ALKAL1: variants seen among roughly 807,000 people sequenced by gnomAD.
The protein encoded by ALKAL1 is ALK and LTK ligand 1, also known as AUG-beta.
In ALKAL1, 23 loss-of-function variants were observed where a neutral mutation model predicts 13.5. That is an observed-to-expected ratio of 1.70 (90% CI 1.23 to 2.41). The LOEUF (loss-of-function observed/expected upper bound fraction) is 2.41. ALKAL1 is among the 30% of genes most tolerant of loss of function. The probability of loss-of-function intolerance (pLI) is 0.00; values close to 1 mark genes in which losing one functional copy is unlikely to be tolerated. For synonymous variants in ALKAL1, 85 were observed against 77.7 expected (o/e 1.09, Z -0.49); for missense variants, 181 against 178.4 (o/e 1.01, Z -0.08).
chr8:52,535,711 T>C (rs933968959), intron 4 of ALKAL1, among the ~76,000 whole-genome samples: 1 of 152,188 alleles, frequency 6.6e-6, no homozygotes, highest in Non-Finnish European at 1.5e-5. Flanking sequence ...CAACTGTAGA[T>C]ATGCAGAACT....
chr8:52,539,686 G>A, intron 3 of ALKAL1, 145 bp downstream of exon 3: 3 of 615,554 alleles, frequency 4.9e-6, no homozygotes, highest in African/African-American at 1.9e-5. Flanking sequence ...CAAACCTTAG[G>A]TTCTGTCAGT....
At chr8:52,560,535 G>T (rs906903453) in intron 1 of ALKAL1, among the ~76,000 whole-genome samples, 1 of 152,160 alleles carries the variant, frequency 6.6e-6, no homozygotes, top group African/African-American at 2.4e-5. Flanking sequence ...CCATTAAAAA[G>T]GAATTGTTTT....
intron 1 of ALKAL1, among the ~76,000 whole-genome samples, chr8:52,558,402 C>T (rs1590870528): frequency 7.8e-6 from 1 of 128,488 alleles, no homozygotes; most frequent in African/African-American, 2.9e-5. Context: ...TCTTCAACAA[C>T]AGCATTTAAA....
At chr8:52,547,235 C>A (rs776108010) in intron 1 of ALKAL1, among the ~76,000 whole-genome samples, 8 of 152,188 alleles carry the variant, frequency 5.3e-5, no homozygotes, top group African/African-American at 1.4e-4. Context: ...TGGTGGCTCA[C>A]GCCCATAATT....
At chr8:52,564,072 TGAG>T (rs1445435781) in intron 1 of ALKAL1, among the ~76,000 whole-genome samples, 2 of 152,230 alleles carry the variant, frequency 1.3e-5, no homozygotes, top group African/African-American at 2.4e-5. Context: ...CCATAAAGCC[TGAG>T]GAGAAGGGAT....
At chr8:52,546,232 G>A (rs946328709) in intron 1 of ALKAL1, among the ~76,000 whole-genome samples, 1 of 152,142 alleles carries the variant, frequency 6.6e-6, no homozygotes, top group African/African-American at 2.4e-5. Context: ...GGCAGATCCA[G>A]CTTGCTCCTG....
Position 52,553,274 on chromosome 8 carries a change from G to C in ALKAL1, c.191-10829C>G, listed in dbSNP as rs966231495. Among the ~76,000 whole-genome samples the C allele has an allele frequency of 2.6e-5, 4 of 152,128 alleles. No individual in the cohort carries two copies. The East Asian group carries it at 7.7e-4, about 29-fold the overall frequency. On this transcript the variant is annotated intron_variant, in intron 1 of 4. Transcript: ENST00000358543. The stretch of plus-strand genomic sequence containing the variant: ...GAGGCAGAAGGATCCCTTGAGCCCA[G>C]GAGTTAGAAGATGCAGTGAGCTCTG...
intron 1 of ALKAL1, among the ~76,000 whole-genome samples, chr8:52,558,633 A>G (rs1847508706): frequency 6.6e-6 from 1 of 152,010 alleles, no homozygotes; most frequent in Non-Finnish European, 1.5e-5. Context: ...CCCAGCGGCT[A>G]AAGTCGGGCT....
At chr8:52,535,550 C>CAAAAAAA (rs10719477) in intron 4 of ALKAL1, among the ~76,000 whole-genome samples, 3 of 68,620 alleles carry the variant, frequency 4.4e-5, no homozygotes, top group South Asian at 6.8e-4. Context: ...GACCCTGTCT[C>CAAAAAAA]AAAAAAAAAA....
chr8:52,556,402 C>A (rs1266761771), intron 1 of ALKAL1, among the ~76,000 whole-genome samples: 3 of 151,864 alleles, frequency 2.0e-5, no homozygotes, highest in Non-Finnish European at 4.4e-5. Context: ...AATCCCAGCA[C>A]TTTGGGAGGC....
Position 52,565,055 on chromosome 8 carries a change from G to C in ALKAL1, c.190+12C>G, listed in dbSNP as rs2150349105. 1 of 1,379,492 alleles carries C rather than the reference G, an allele frequency of 7.2e-7. No individual in the cohort carries two copies. The highest frequency in any genetic ancestry group is 1.5e-5 in the African/African-American group (1 of 65,742). 85.5% of individuals were successfully genotyped at this position (1,379,492 alleles called of 1,614,324 possible). ...GCAGGGCAAAGGATGGGGCGGGATG[G>C]GGACATCGTACCTGCGCTCCGGGAG... On this transcript the variant is annotated intron_variant, in intron 1 of 4. Coordinates refer to ENST00000358543, the MANE Select transcript of ALKAL1 (RefSeq NM_207413.4).
intron 1 of ALKAL1, among the ~76,000 whole-genome samples, chr8:52,542,915 G>A (rs1457770265): frequency 6.6e-6 from 1 of 152,122 alleles, no homozygotes; most frequent in African/African-American, 2.4e-5. Context: ...CCCTCAACGA[G>A]TCTGGCCCAA....
intron 1 of ALKAL1, among the ~76,000 whole-genome samples, chr8:52,547,235 C>T (rs776108010): frequency 5.9e-5 from 9 of 152,188 alleles, no homozygotes; most frequent in Admixed American, 1.3e-4. Context: ...TGGTGGCTCA[C>T]GCCCATAATT....
At chr8:52,540,014 C>A in intron 2 of ALKAL1, 103 bp from the exon 3 acceptor site, 1 of 853,732 alleles carries the variant, frequency 1.2e-6, no homozygotes, top group Non-Finnish European at 1.8e-6. Context: ...ACTTTACATC[C>A]TTCCATACCC....
At position 52,565,324 on chromosome 8, in the gene ALKAL1, G is replaced by C. The variant is rs1385489304; in HGVS notation, c.-68C>G. 3 of 1,203,650 alleles carry C rather than the reference G, an allele frequency of 2.5e-6. No individual in the cohort carries two copies. Among genetic ancestry groups the C allele is most frequent in the Non-Finnish European group, 2.1e-6 (2 of 942,826 alleles). 74.6% of individuals were successfully genotyped at this position (1,203,650 alleles called of 1,614,324 possible). On this transcript the variant is annotated 5_prime_UTR_variant, in exon 1 of 5. Coordinates refer to ENST00000358543, the MANE Select transcript of ALKAL1 (RefSeq NM_207413.4). ...CCCGACGCAGGTCCGGAGGGTGCGC[G>C]GCCCAAGAGAAGGCCAGCGGGACCA... is the stretch of plus-strand genomic sequence containing the variant.
In ALKAL1 at chr8:52,565,396, T is replaced by G; in HGVS notation, c.-140A>C. 3.5e-6 allele frequency: 2 copies of G among 566,888 alleles called. No individual in the cohort carries two copies. Among genetic ancestry groups the G allele is most frequent in the Non-Finnish European group, 5.4e-6 (2 of 372,642 alleles). The allele number at this position is 566,888 out of a possible 1,614,324, so 35.1% of individuals were successfully genotyped here. On this transcript the variant is annotated 5_prime_UTR_variant, in exon 1 of 5. Coordinates refer to ENST00000358543, the MANE Select transcript of ALKAL1 (RefSeq NM_207413.4). ...CGCAGTCTTCACCGCGCGCCTGCCCTTGTCTACGTCCCGGGGGTCGGCTGG... is the reference window on the plus strand; with the variant it reads ...CGCAGTCTTCACCGCGCGCCTGCCCGTGTCTACGTCCCGGGGGTCGGCTGG...
At chr8:52,552,329 T>C (rs1487706130) in intron 1 of ALKAL1, among the ~76,000 whole-genome samples, 2 of 152,146 alleles carry the variant, frequency 1.3e-5, no homozygotes, top group African/African-American at 4.8e-5. Context: ...TAATTTATGT[T>C]TGCTGGTGTT....
At chr8:52,541,227 A>G (rs920949285) in intron 2 of ALKAL1, among the ~76,000 whole-genome samples, 4 of 151,962 alleles carry the variant, frequency 2.6e-5, no homozygotes, top group Admixed American at 2.6e-4. Flanking sequence ...TATAATCCCA[A>G]TGCTTTGGGA....
At chr8:52,561,081 A>T (rs578257380) in intron 1 of ALKAL1, among the ~76,000 whole-genome samples, 1 of 152,312 alleles carries the variant, frequency 6.6e-6, no homozygotes, top group East Asian at 1.9e-4. Context: ...ATTTTTAAAA[A>T]AAAGTACCCA....
Sources: allele counts gnomAD v4.1 joint callset (sites outside exome capture counted in the v4.1 genomes callset), GRCh38; gene constraint gnomAD v4.1.1; transcripts MANE v1.5; gene names NCBI Gene and HGNC (gene_info 2026-07-23, HGNC 2026-07-21).